Variants in EPG5 observed in about 807,000 individuals in gnomAD.
The protein encoded by EPG5 is ectopic P-granules 5 autophagy tethering factor, also known as ectopic P granules protein 5 homolog.
Under a neutral mutation model 302.7 loss-of-function variants are expected in EPG5, and 159 were observed. The observed-to-expected ratio is 0.53, with a 90% CI of 0.46 to 0.60. The LOEUF is 0.60. Among genes scored for constraint, EPG5 ranks in the 20% least tolerant of loss-of-function variants. The probability of loss-of-function intolerance (pLI) is 0.00; values close to 1 mark genes in which losing one functional copy is unlikely to be tolerated. For synonymous variants in EPG5, 1,158 were observed against 1,136.8 expected, an observed-to-expected ratio of 1.02 and a Z score of -0.37; for missense variants, 2,896 against 3,092.4, an observed-to-expected ratio of 0.94 and a Z score of 1.51.
intron 21 of EPG5, 69 bp downstream of exon 21, chr18:45,913,637 C>A: frequency 6.4e-7 from 1 of 1,570,812 alleles, no homozygotes; most frequent in East Asian, 2.3e-5. Flanking sequence ...TCAAAAGCTA[C>A]GGGTGAATCC....
At chr18:45,916,617 C>A in intron 17 of EPG5, 35 bp from the exon 18 acceptor site, 2 of 1,550,822 alleles carry the variant, frequency 1.3e-6, no homozygotes, top group Non-Finnish European at 8.8e-7. Context: ...CTTTACCTTC[C>A]GATCAGAACT....
chr18:45,944,592 T>C (rs2050747112), intron 7 of EPG5, among the ~76,000 whole-genome samples: 1 of 152,022 alleles, frequency 6.6e-6, no homozygotes. Context: ...CCATCTCTAC[T>C]AAAAATACAA....
chr18:45,935,057 T>C (rs1322515163), intron 10 of EPG5, 91 bp from the exon 11 acceptor site: 4 of 1,312,268 alleles, frequency 3.0e-6, no homozygotes, highest in African/African-American at 1.5e-5. Context: ...AAAAAAAGAT[T>C]CTTAAATCAC....
chr18:45,852,789 T>G, intron 43 of EPG5, 140 bp from the exon 44 acceptor site: 7 of 723,620 alleles, frequency 9.7e-6, no homozygotes, highest in Non-Finnish European at 1.6e-5. Context: ...AGGCCAGGAG[T>G]CCGGAAGGCA....
intron 4 of EPG5, 124 bp from the exon 5 acceptor site, chr18:45,949,715 C>A: frequency 1.7e-6 from 1 of 572,186 alleles, no homozygotes; most frequent in Non-Finnish European, 3.1e-6. Context: ...TAACCAGACA[C>A]AAGATATACT....
chr18:45,808,356 C>A, the EPG5 span, among the ~76,000 whole-genome samples: 1 of 152,102 alleles, frequency 6.6e-6, no homozygotes, highest in Non-Finnish European at 1.5e-5. Context: ...ATCTAGACAT[C>A]CAAATACAAG....
At chr18:45,874,391 T>C (rs920389461) in intron 35 of EPG5, among the ~76,000 whole-genome samples, 2 of 151,854 alleles carry the variant, frequency 1.3e-5, no homozygotes, top group African/African-American at 4.8e-5. Flanking sequence ...GGATGACATA[T>C]GCTTAACTGT....
At chr18:45,910,812 C>A (rs922045147) in intron 22 of EPG5, 70 bp from the exon 23 acceptor site, 20 of 1,250,354 alleles carry the variant, frequency 1.6e-5, no homozygotes, top group African/African-American at 6.0e-5. Flanking sequence ...CATAAAATAG[C>A]AGTTAATTAG....
intron 9 of EPG5, 80 bp downstream of exon 9, chr18:45,943,081 G>A (rs1001995937): frequency 9.6e-5 from 131 of 1,364,096 alleles, no homozygotes; most frequent in Middle Eastern, 3.8e-4. Context: ...CAACTAAAAC[G>A]TCCATCATCC....
intron 39 of EPG5, among the ~76,000 whole-genome samples, chr18:45,863,913 T>G (rs574838380): frequency 1.4e-4 from 22 of 152,334 alleles, no homozygotes; most frequent in Middle Eastern, 6.8e-3. Context: ...ATATCCTACT[T>G]GGGATTTGCT....
chr18:45,915,365 T>G, intron 20 of EPG5, 146 bp downstream of exon 20: 1 of 624,228 alleles, frequency 1.6e-6, no homozygotes, highest in Non-Finnish European at 2.8e-6. Context: ...AAAGGGCTAC[T>G]GTAAAGATTA....
chr18:45,917,609 A>G, intron 17 of EPG5, 70 bp downstream of exon 17: 3 of 1,569,152 alleles, frequency 1.9e-6, no homozygotes, highest in Non-Finnish European at 1.7e-6. Flanking sequence ...TTAAGAAACC[A>G]GAAGACACAA....
Position 45,860,250 on chromosome 18 carries a change from AG to A in EPG5, c.6862del (p.Leu2288PhefsTer22). 6.2e-7 allele frequency: 1 copy of A among 1,614,260 alleles called. No homozygotes were observed. The highest frequency in any genetic ancestry group is 8.5e-7 in the Non-Finnish European group (1 of 1,180,044). ...AATCCAGGTCCGGATACTGCCCCGAAGGAACTCTGCTGTTGGAATAGTCGCG... is the reference window on the plus strand; with the variant it reads ...AATCCAGGTCCGGATACTGCCCCGAAGAACTCTGCTGTTGGAATAGTCGCG... ...NNATIPTAEFLRGSIRTWIGQ... is the reference protein window; with the variant it reads ...NNATIPTAEFXRGSIRTWIGQ... On this transcript the variant is annotated frameshift_variant, in exon 40 of 44. Coordinates refer to ENST00000282041, the MANE Select transcript of EPG5 (RefSeq NM_020964.3). LOFTEE classifies it high-confidence loss of function.
chr18:45,840,232 C>T, the EPG5 span: 7 of 1,612,532 alleles, frequency 4.3e-6, no homozygotes, highest in African/African-American at 9.3e-5. Flanking sequence ...ACCCCGGACA[C>T]CCCACCACGG....
At chr18:45,944,382 T>C (rs2050742451) in intron 7 of EPG5, among the ~76,000 whole-genome samples, 1 of 152,092 alleles carries the variant, frequency 6.6e-6, no homozygotes, top group Non-Finnish European at 1.5e-5. Flanking sequence ...TAAATGTCCA[T>C]CCCAAAGAAA....
At chr18:45,802,151 C>T in the EPG5 span, among the ~76,000 whole-genome samples, 3 of 152,230 alleles carry the variant, frequency 2.0e-5, no homozygotes, top group Admixed American at 1.3e-4. Flanking sequence ...GGAGACTCCC[C>T]ACAACAATCC....
chr18:45,839,756 G>A, the EPG5 span, among the ~76,000 whole-genome samples: 2 of 152,178 alleles, frequency 1.3e-5, no homozygotes, highest in African/African-American at 4.8e-5. Context: ...GACTAACAGG[G>A]TGTCCTGAGA....
the EPG5 span, chr18:45,838,787 C>A: frequency 1.3e-6 from 2 of 1,565,948 alleles, no homozygotes; most frequent in Non-Finnish European, 1.7e-6. Context: ...CTCTGCACTG[C>A]CGAAGGGGAG....
Position 45,956,018 on chromosome 18 carries a change from G to A in EPG5, c.64-680C>T, listed in dbSNP as rs115191411. Among the ~76,000 whole-genome samples, 798 of 152,240 alleles carry A rather than the reference G, an allele frequency of 5.2e-3. 6 individuals are homozygous for A. Among genetic ancestry groups the A allele is most frequent in the African/African-American group, 0.018 (743 of 41,536 alleles). On this transcript the variant is annotated intron_variant, in intron 1 of 43. Coordinates refer to ENST00000282041, the MANE Select transcript of EPG5 (RefSeq NM_020964.3). ...AAAGTGAGTAAGTGAAGAGTTTAAG[G>A]GAAACAGAGTATCTGCATAGTCTCA...
Sources: gnomAD v4.1 joint callset for allele counts (sites outside exome capture counted in the v4.1 genomes callset) on GRCh38, gnomAD v4.1.1 for gene constraint, MANE v1.5 for transcripts, NCBI Gene and HGNC (gene_info 2026-07-23, HGNC 2026-07-21) for gene names.